The following ATRX variants were observed in gnomAD, a reference collection of about 807,000 sequenced individuals.
ATRX encodes ATRX chromatin remodeler.
ATRX carries 12 observed loss-of-function variants against 172.6 expected under a neutral mutation model. The observed-to-expected ratio is 0.07, with a 90% confidence interval of 0.04 to 0.11. The LOEUF is 0.11. ATRX is among the 10% of genes least tolerant of loss of function. The pLI, the probability that ATRX is intolerant of heterozygous loss-of-function variation, is 1.00. For synonymous variants in ATRX, 674 were observed against 594.7 expected (o/e 1.13, Z -1.94); for missense variants, 1,368 against 1,767.4 (o/e 0.77, Z 4.05).
Position 77,599,584 on chromosome X carries a change from A to C in ATRX, c.5787-4T>G, listed in dbSNP as rs2066594965. 1 of 1,209,419 alleles carries C rather than the reference A, an allele frequency of 8.3e-7. No homozygotes were observed. Among genetic ancestry groups the C allele is most frequent in the Non-Finnish European group, 1.1e-6 (1 of 894,293 alleles). ...CTTTTTCCCTTTTTTCTTCTTTCTA[A>C]AAACAAACAAACAAACAAACAAAAA... On this transcript the variant is annotated splice_region_variant and splice_polypyrimidine_tract_variant and intron_variant, in intron 24 of 34. Transcript: ENST00000373344.
intron 27 of ATRX, among the ~76,000 whole-genome samples, chrX:77,589,396 T>A (rs1557078885): frequency 8.9e-6 from 1 of 112,138 alleles, no homozygotes; most frequent in African/African-American, 3.2e-5. Flanking sequence ...ACACTTTAAA[T>A]GGGTGAATTG....
chrX:77,538,340 C>T (rs1557049231), intron 30 of ATRX, among the ~76,000 whole-genome samples: 1 of 109,781 alleles, frequency 9.1e-6, no homozygotes, highest in Admixed American at 9.8e-5. Context: ...ACTAGAGAGG[C>T]CATTATCTTA....
intron 1 of ATRX, among the ~76,000 whole-genome samples, chrX:77,772,479 A>C (rs1490341835): frequency 9.3e-6 from 1 of 107,206 alleles, no homozygotes; most frequent in African/African-American, 3.4e-5. Context: ...AAAAAAAAAA[A>C]AAAAAAGCTT....
At chrX:77,599,151 A>T (rs2066572357) in intron 25 of ATRX, among the ~76,000 whole-genome samples, 1 of 112,061 alleles carries the variant, frequency 8.9e-6, no homozygotes, top group Non-Finnish European at 1.9e-5. Flanking sequence ...TGAAAATAAT[A>T]GAGTTTAGGT....
intron 34 of ATRX, among the ~76,000 whole-genome samples, chrX:77,510,932 G>A (rs1027210660): frequency 1.2e-4 from 13 of 112,684 alleles, no homozygotes; most frequent in African/African-American, 4.2e-4. Context: ...TGGAGCCTTA[G>A]AGCCTTGAGC....
At chrX:77,689,749 T>G (rs782100452) in intron 6 of ATRX, among the ~76,000 whole-genome samples, 27 of 112,377 alleles carry the variant, frequency 2.4e-4, no homozygotes, top group Non-Finnish European at 4.3e-4. Flanking sequence ...CTGAAGAATC[T>G]TTTTAAAAAC....
At chrX:77,774,930 G>T (rs1420381314) in intron 1 of ATRX, among the ~76,000 whole-genome samples, 2 of 110,472 alleles carry the variant, frequency 1.8e-5, no homozygotes, top group African/African-American at 6.6e-5. Context: ...TAGAGACAGG[G>T]TCTATGTTGA....
intron 10 of ATRX, among the ~76,000 whole-genome samples, chrX:77,665,790 T>C (rs2070202762): frequency 8.9e-6 from 1 of 111,809 alleles, no homozygotes; most frequent in South Asian, 3.7e-4. Flanking sequence ...AAAAAGAAGA[T>C]GGCATGATCC....
intron 1 of ATRX, among the ~76,000 whole-genome samples, chrX:77,777,191 T>TAAAAAAAAAAAAAAAAAAAAA (rs782165810): frequency 4.8e-5 from 1 of 21,038 alleles, no homozygotes; most frequent in Non-Finnish European, 8.0e-5. Context: ...CTGTCTCTAC[T>TAAAAAAAAAAAAAAAAAAAAA]AAAAAAAAAA....
chrX:77,579,770 A>T (rs1461643030), intron 27 of ATRX, among the ~76,000 whole-genome samples: 1 of 112,129 alleles, frequency 8.9e-6, no homozygotes, highest in Non-Finnish European at 1.9e-5. Flanking sequence ...GAAAATCCAT[A>T]AGCATCAAGA....
At chrX:77,551,917 G>A (rs1288481847) in intron 30 of ATRX, among the ~76,000 whole-genome samples, 2 of 111,859 alleles carry the variant, frequency 1.8e-5, no homozygotes, top group African/African-American at 6.5e-5. Context: ...AAACCACAAT[G>A]AGATACCATC....
At chrX:77,666,799 G>A (rs1423223531) in intron 10 of ATRX, among the ~76,000 whole-genome samples, 2 of 111,802 alleles carry the variant, frequency 1.8e-5, no homozygotes, top group East Asian at 5.6e-4. Context: ...GGCGGAGGTT[G>A]CAGTGAGCTG....
At chrX:77,515,994 T>C (rs2063041007) in intron 34 of ATRX, among the ~76,000 whole-genome samples, 1 of 111,826 alleles carries the variant, frequency 8.9e-6, no homozygotes, top group African/African-American at 3.3e-5. Flanking sequence ...AAATACCATA[T>C]GTTTTCACTA....
chrX:77,715,213 A>G (rs1212468787), intron 2 of ATRX, among the ~76,000 whole-genome samples: 1 of 112,026 alleles, frequency 8.9e-6, no homozygotes, highest in Non-Finnish European at 1.9e-5. Flanking sequence ...GACTGACCAC[A>G]TATACATCGG....
intron 1 of ATRX, among the ~76,000 whole-genome samples, chrX:77,740,476 G>A (rs1412248331): frequency 9.0e-6 from 1 of 110,646 alleles, no homozygotes; most frequent in Non-Finnish European, 1.9e-5. Context: ...CTTGTGCCTT[G>A]AGCAGGAGGA....
At chrX:77,617,843 A>G (rs1220869037) in intron 21 of ATRX, among the ~76,000 whole-genome samples, 2 of 110,494 alleles carry the variant, frequency 1.8e-5, no homozygotes, top group Non-Finnish European at 3.8e-5. Flanking sequence ...CAGCCTCCCA[A>G]GTGACAGAGA....
chrX:77,613,490 C>T (rs190454065), intron 22 of ATRX, among the ~76,000 whole-genome samples: 1 of 111,861 alleles, frequency 8.9e-6, no homozygotes, highest in Admixed American at 9.5e-5. Context: ...TTGACCCTTG[C>T]GCACCAAAGG....
intron 15 of ATRX, among the ~76,000 whole-genome samples, chrX:77,647,192 G>A (rs974845739): frequency 1.8e-5 from 2 of 111,622 alleles, no homozygotes; most frequent in African/African-American, 6.5e-5. Flanking sequence ...AAGATCACAA[G>A]GAAAATTAGA....
At chrX:77,544,425 T>G (rs1357388817) in intron 30 of ATRX, among the ~76,000 whole-genome samples, 2 of 111,464 alleles carry the variant, frequency 1.8e-5, no homozygotes, top group East Asian at 5.6e-4. Context: ...TTCTTTTTTT[T>G]TATTATTATA....
Sources: gnomAD v4.1 joint callset for allele counts (sites outside exome capture counted in the v4.1 genomes callset) on GRCh38, gnomAD v4.1.1 for gene constraint, MANE v1.5 for transcripts, NCBI Gene and HGNC (gene_info 2026-07-23, HGNC 2026-07-21) for gene names.